C2CD2L: variants seen among roughly 807,000 people sequenced by gnomAD.
C2CD2L encodes C2CD2 like.
Under a neutral mutation model 69.9 loss-of-function variants are expected in C2CD2L, and 24 were observed. The ratio of observed to expected loss-of-function variants is 0.34; its 90% CI spans 0.25 to 0.48. The LOEUF (loss-of-function observed/expected upper bound fraction) is 0.48, where lower values mean the gene tolerates loss of function less well. Among genes scored for constraint, C2CD2L ranks in the 20% least tolerant of loss-of-function variants. The pLI is 0.99. For synonymous variants in C2CD2L, 367 were observed against 391.0 expected (o/e 0.94, Z 0.72); for missense variants, 811 against 941.5 (o/e 0.86, Z 1.81).
Position 119,111,033 on chromosome 11 carries a change from T to C in C2CD2L, c.682-19T>C. Reference sequence around the variant, plus strand: ...GGTGGGGGATCCACCTCCTTGTTGTTCCCTTCTTCTCTCTGCAGAGAGGTG... The same window carrying C: ...GGTGGGGGATCCACCTCCTTGTTGTCCCCTTCTTCTCTCTGCAGAGAGGTG... On this transcript the variant is annotated intron_variant, in intron 4 of 13. Transcript: ENST00000648610. The C allele has an allele frequency of 6.2e-7, 1 of 1,613,300 alleles. No individual in the cohort carries two copies. The highest frequency in any genetic ancestry group is 8.5e-7 in the Non-Finnish European group (1 of 1,179,376).
rs1446937945 is a variant in C2CD2L at position 119,114,646 on chromosome 11, A to T, written c.1909+281A>T. The stretch of plus-strand genomic sequence containing the variant: ...CATTTTTCCTGCCCTTTAAAAAAAA[A>T]TTATAAAAATTTATTCCTAGGCAGG... On this transcript the variant is annotated intron_variant, in intron 13 of 13. Coordinates refer to ENST00000648610, the MANE Select transcript of C2CD2L (RefSeq NM_001290474.2). This position sits in a 1 kb window ranked among gnomAD's most constrained non-coding sequence, Gnocchi z 5.1. 1 of 413,286 alleles carries T rather than the reference A, an allele frequency of 2.4e-6. No homozygotes were observed. The highest frequency in any genetic ancestry group is 2.6e-5 in the South Asian group (1 of 39,150). The allele number at this position is 413,286 out of a possible 1,614,324, so 25.6% of individuals were successfully genotyped here. A position where few individuals can be genotyped will look rare whatever the true frequency, so the allele number is the denominator to read the frequency against.
At chr11:119,108,260 T>C in intron 1 of C2CD2L, 165 bp downstream of exon 1, 1 of 533,912 alleles carries the variant, frequency 1.9e-6, no homozygotes, top group Non-Finnish European at 3.3e-6. Context: ...AGGCTGGAGG[T>C]TGTAGAAATC....
rs1279399950 is a variant in C2CD2L at position 119,116,072 on chromosome 11, T to C, written c.1937T>C (p.Leu646Pro). The C allele has an allele frequency of 6.2e-7, 1 of 1,613,380 alleles. No individual in the cohort carries two copies. ...KVSFLRSGTKLIFRRRPRQKE... is the reference protein window; with the variant it reads ...KVSFLRSGTKPIFRRRPRQKE... Reference sequence around the variant, plus strand: ...AGTTTCCTGCGCAGCGGCACTAAGCTCATCTTCCGCCGGAGGCCTAGGCAG... The same window carrying C: ...AGTTTCCTGCGCAGCGGCACTAAGCCCATCTTCCGCCGGAGGCCTAGGCAG... The change falls in exon 14 of 14, where the codon CTC becomes CCC. Residue 646 changes from leucine to proline, a missense_variant. Physicochemically the swap from Leu to Pro is moderately conservative, Grantham distance 98. Transcript: ENST00000648610.
upstream of C2CD2L, among the ~76,000 whole-genome samples, chr11:119,106,066 T>C (rs1946579972): frequency 6.6e-6 from 1 of 152,200 alleles, no homozygotes; most frequent in Non-Finnish European, 1.5e-5. Flanking sequence ...TGACAATGCA[T>C]GGGCAGGGCC....
In C2CD2L at chr11:119,117,216, G is replaced by A. The variant is rs1946918897; in HGVS notation, c.*960G>A. 6.6e-6 allele frequency: 1 copy of A among 152,508 alleles called. No homozygotes were observed. The highest frequency in any genetic ancestry group is 1.5e-5 in the Non-Finnish European group (1 of 68,072). 9.4% of individuals were successfully genotyped at this position (152,508 alleles called of 1,614,324 possible). The stretch of plus-strand genomic sequence containing the variant: ...AGACAGGGGCCCGGATAATGAGGTT[G>A]GGTAGATGACACACATTGTGGATCT... On this transcript the variant is annotated 3_prime_UTR_variant, in exon 14 of 14. Transcript: ENST00000648610.
At position 119,112,403 on chromosome 11, in the gene C2CD2L, G is replaced by T; in HGVS notation, c.1084+11G>T. 9.9e-6 allele frequency: 16 copies of T among 1,613,902 alleles called. No homozygotes were observed. The highest frequency in any genetic ancestry group is 1.3e-5 in the Non-Finnish European group (15 of 1,179,898). ...GCAGCTGTGGAGACAGTAAGTGAGGGGTGGGAGGGGCACCCCTGGGTGGGT... is the reference window on the plus strand; with the variant it reads ...GCAGCTGTGGAGACAGTAAGTGAGGTGTGGGAGGGGCACCCCTGGGTGGGT... On this transcript the variant is annotated intron_variant, in intron 8 of 13. Transcript: ENST00000648610.
At chr11:119,107,264 G>A (rs1251831465), upstream of C2CD2L, 1 of 152,462 alleles carries the variant, frequency 6.6e-6, no homozygotes, top group Non-Finnish European at 1.5e-5. The surrounding 1 kb of genome is among the most constrained non-coding windows in gnomAD (Gnocchi z 5.4). Flanking sequence ...CCCTCCTCCA[G>A]CGAGGGAGCG....
Position 119,107,636 on chromosome 11 carries a change from C to T in C2CD2L, c.-106C>T. The T allele has an allele frequency of 1.6e-6, 1 of 618,712 alleles. No homozygotes were observed. The highest frequency in any genetic ancestry group is 2.5e-6 in the Non-Finnish European group (1 of 406,284). 38.3% of individuals were successfully genotyped at this position (618,712 alleles called of 1,614,324 possible). A position where few individuals can be genotyped will look rare whatever the true frequency, so the allele number is the denominator to read the frequency against. ...GCGGAGAGCCCCCGACCCCGCGCGC[C>T]CAGCCCCGGGGGAGCCCACCTCCTC... On this transcript the variant is annotated 5_prime_UTR_variant, in exon 1 of 14. Transcript: ENST00000648610. The surrounding 1 kb of genome is among the most constrained non-coding windows in gnomAD (Gnocchi z 5.4).
At position 119,115,860 on chromosome 11, in the gene C2CD2L, TC is replaced by T. The variant is rs745481295; in HGVS notation, c.1910-184del. 3.4e-4 allele frequency: 203 copies of T among 600,332 alleles called. No individual in the cohort carries two copies. The East Asian group carries it at 4.7e-3, about 14-fold the overall frequency. 37.2% of individuals were successfully genotyped at this position (600,332 alleles called of 1,614,324 possible). A position where few individuals can be genotyped will look rare whatever the true frequency, so the allele number is the denominator to read the frequency against. On this transcript the variant is annotated intron_variant, in intron 13 of 13. Transcript: ENST00000648610. ...TTGTTTCTGCTTTCGTTTTCTTTTT[TC>T]TTTTTTTCACGAAGCCTTATGGAGA...
At chr11:119,108,162 G>A (rs908224034) in intron 1 of C2CD2L, 67 bp downstream of exon 1, 2 of 1,093,452 alleles carry the variant, frequency 1.8e-6, no homozygotes, top group Admixed American at 2.5e-5. Flanking sequence ...CTGACTGCTC[G>A]TGCTAGGAGG....
chr11:119,108,804 T>C (rs1368785009), intron 1 of C2CD2L, among the ~76,000 whole-genome samples: 1 of 152,174 alleles, frequency 6.6e-6, no homozygotes, highest in East Asian at 1.9e-4. Context: ...TAGAAGTCTC[T>C]CTTTTCTGGA....
chr11:119,115,341 C>A (rs1013217494), intron 13 of C2CD2L: 1 of 152,116 alleles, frequency 6.6e-6, no homozygotes, highest in African/African-American at 2.4e-5. Context: ...CTTGGATTAT[C>A]CATCTGGCAG....
At chr11:119,111,759 C>T (rs1016535591) in intron 7 of C2CD2L, 130 bp downstream of exon 7, 82 of 657,378 alleles carry the variant, frequency 1.2e-4, no homozygotes, top group Middle Eastern at 3.3e-4. Context: ...ATGCCAGGCC[C>T]TGGCGTGGGT....
chr11:119,102,488 C>G, upstream of C2CD2L: 1 of 370,572 alleles, frequency 2.7e-6, no homozygotes, highest in South Asian at 2.0e-5. Flanking sequence ...GTCCTCGATT[C>G]TGGTATTTTT....
rs1426835632 is a variant in C2CD2L, at chr11:119,111,582, G to A, written c.972G>A (p.Lys324=). Residue 324 remains lysine (K), a synonymous_variant, in exon 7 of 14, where the codon AAG becomes AAA. Coordinates refer to ENST00000648610, the MANE Select transcript of C2CD2L (RefSeq NM_001290474.2). ...ACCCCATGCAGCAGAAGTGGACCAA[G>A]CCCGCGAGGGCTGGATCCGAGGTGG... ...LDNPMQQKWT[K]PARAGSEVEW... The A allele has an allele frequency of 5.6e-6, 9 of 1,614,020 alleles. No homozygotes were observed. Among genetic ancestry groups the A allele is most frequent in the African/African-American group, 1.3e-5 (1 of 74,962 alleles).
chr11:119,111,296 G>A lies in C2CD2L; in HGVS notation c.832G>A (p.Ala278Thr). ...TGAGAAGCCACCCATGATGCCCCAG[G>A]CTCAGCCAGCCATCCCCAGACCTAA... ...PSEKPPMMPQ[A>T]QPAIPRPNRL... The change falls in exon 6 of 14, where the codon GCT becomes ACT. Residue 278 changes from alanine (A) to threonine (T), a missense_variant. By Grantham distance (58) the Ala-to-Thr change is moderately conservative. Transcript: ENST00000648610. 2 of 1,614,174 alleles carry A rather than the reference G, an allele frequency of 1.2e-6. No homozygotes were observed. The highest frequency in any genetic ancestry group is 1.7e-6 in the Non-Finnish European group (2 of 1,180,018).
chr11:119,112,175 G>C lies in C2CD2L; in HGVS notation c.1020-153G>C, dbSNP rs549953239. On this transcript the variant is annotated intron_variant, in intron 7 of 13. Coordinates refer to ENST00000648610, the MANE Select transcript of C2CD2L (RefSeq NM_001290474.2). ...AGGCCCTGTCCCTTTCTCTTGGGACGAGAGAGAATTTGGAGGCCAGGAGAA... is the reference window on the plus strand; with the variant it reads ...AGGCCCTGTCCCTTTCTCTTGGGACCAGAGAGAATTTGGAGGCCAGGAGAA... 2.6e-4 allele frequency: 173 copies of C among 671,088 alleles called. No homozygotes were observed. The highest frequency in any genetic ancestry group is 4.1e-4 in the Non-Finnish European group (162 of 394,854). 41.6% of individuals were successfully genotyped at this position (671,088 alleles called of 1,614,324 possible). A position where few individuals can be genotyped will look rare whatever the true frequency, so the allele number is the denominator to read the frequency against.
At position 119,116,191 on chromosome 11, in the gene C2CD2L, C is replaced by T. The variant is rs1449081737; in HGVS notation, c.2056C>T (p.Leu686Phe). ...RKKAGSFSRRLIKRFSFKSKP... is the reference protein window; with the variant it reads ...RKKAGSFSRRFIKRFSFKSKP... The stretch of plus-strand genomic sequence containing the variant: ...GAAGGCCGGCAGCTTTTCTCGCCGC[C>T]TTATCAAGCGCTTTTCCTTCAAATC... The change falls in exon 14 of 14, where the codon CTT becomes TTT. Residue 686 changes from leucine (L) to phenylalanine (F), a missense_variant. Physicochemically the swap from Leu to Phe is conservative, Grantham distance 22. Transcript: ENST00000648610. 1.2e-6 allele frequency: 2 copies of T among 1,614,126 alleles called. No individual in the cohort carries two copies. The highest frequency in any genetic ancestry group is 4.5e-5 in the East Asian group (2 of 44,900).
At position 119,117,186 on chromosome 11, in the gene C2CD2L, G is replaced by A. The variant is rs1224717360; in HGVS notation, c.*930G>A. The A allele has an allele frequency of 1.3e-5, 2 of 152,608 alleles. No individual in the cohort carries two copies. Among genetic ancestry groups the A allele is most frequent in the African/African-American group, 4.8e-5 (2 of 41,446 alleles). The allele number at this position is 152,608 out of a possible 1,614,324, so 9.5% of individuals were successfully genotyped here. A position where few individuals can be genotyped will look rare whatever the true frequency, so the allele number is the denominator to read the frequency against. On this transcript the variant is annotated 3_prime_UTR_variant, in exon 14 of 14. Transcript: ENST00000648610. ...AGGCTGTGACATGGATGGTGTGGGA[G>A]GATGAGACAGGGGCCCGGATAATGA...
Sources: gnomAD v4.1 joint callset for allele counts (sites outside exome capture counted in the v4.1 genomes callset) on GRCh38, gnomAD v4.1.1 for gene constraint, Gnocchi (gnomAD v3.1) non-coding constraint, MANE v1.5 for transcripts, NCBI Gene and HGNC (gene_info 2026-07-23, HGNC 2026-07-21) for gene names.